The following RARA variants were observed in gnomAD, a reference collection of about 807,000 sequenced individuals.
The protein encoded by RARA is retinoic acid receptor alpha.
In RARA, 5 loss-of-function variants were observed where a neutral mutation model predicts 42.8. The observed-to-expected ratio is 0.12, with a 90% CI of 0.06 to 0.25. The LOEUF (loss-of-function observed/expected upper bound fraction) is 0.25. RARA is among the 10% of genes least tolerant of loss of function. The pLI is 1.00. For missense variants in RARA, 402 were observed against 628.7 expected, an observed-to-expected ratio of 0.64 and a Z score of 3.86; for synonymous variants, 256 against 259.5, an observed-to-expected ratio of 0.99 and a Z score of 0.13.
intron 1 of RARA, among the ~76,000 whole-genome samples, chr17:40,321,148 A>G (rs1393063077): frequency 6.6e-6 from 1 of 151,528 alleles, no homozygotes; most frequent in Non-Finnish European, 1.5e-5. Flanking sequence ...TCCAGGGAGT[A>G]TTCTGGGAAT....
intron 1 of RARA, among the ~76,000 whole-genome samples, chr17:40,322,119 C>T (rs568250365): frequency 2.0e-4 from 30 of 151,914 alleles, no homozygotes; most frequent in Admixed American, 1.0e-3. Context: ...TCTGGCTGGC[C>T]GCCCGGTTTG....
rs1159089374 is a variant in RARA, at chr17:40,355,729, G to A, written c.1172-280G>A. 6.6e-6 allele frequency among the ~76,000 whole-genome samples: 1 copy of A among 152,166 alleles called. No homozygotes were observed. The highest frequency in any genetic ancestry group is 2.4e-5 in the African/African-American group (1 of 41,442). On this transcript the variant is annotated intron_variant, in intron 8 of 8. Transcript: ENST00000254066. The surrounding 1 kb of genome is among the most constrained non-coding windows in gnomAD (Gnocchi z 4.1). Reference sequence around the variant, plus strand: ...TAACATTCGTGTTTACAGAGGGGTCGGGATGATCCCTAGCACACAGCACAG... The same window carrying A: ...TAACATTCGTGTTTACAGAGGGGTCAGGATGATCCCTAGCACACAGCACAG...
intron 1 of RARA, among the ~76,000 whole-genome samples, chr17:40,316,710 G>A (rs796238932): frequency 5.3e-5 from 8 of 152,302 alleles, no homozygotes; most frequent in African/African-American, 1.9e-4. Flanking sequence ...GGGGGAGCGC[G>A]GCTGGGGGGT....
At position 40,355,245 on chromosome 17, in the gene RARA, G is replaced by T; in HGVS notation, c.1013-18G>T. On this transcript the variant is annotated intron_variant, in intron 7 of 8. Coordinates refer to ENST00000254066, the MANE Select transcript of RARA (RefSeq NM_000964.4). The surrounding 1 kb of genome is among the most constrained non-coding windows in gnomAD (Gnocchi z 4.1). ...AGCTGTGTTCCCAGCTGCTCAGGGG[G>T]TGGTTCTGCTTCCTCAGACCGCCAG... is the stretch of plus-strand genomic sequence containing the variant. 6.4e-7 allele frequency: 1 copy of T among 1,554,030 alleles called. No individual in the cohort carries two copies. Among genetic ancestry groups the T allele is most frequent in the South Asian group, 1.2e-5 (1 of 85,044 alleles).
At position 40,351,595 on chromosome 17, in the gene RARA, C is replaced by T. The variant is rs777003380; in HGVS notation, c.470-315C>T. On this transcript the variant is annotated intron_variant, in intron 4 of 8. Transcript: ENST00000254066. The surrounding 1 kb of genome is among the most constrained non-coding windows in gnomAD (Gnocchi z 4.1). ...GGAGGCAGAGCACCTAGGAGGGCAC[C>T]GTCGCCTGGAGTGTGAGCTGGAGTA... The T allele has an allele frequency of 3.4e-5, 16 of 476,820 alleles. No homozygotes were observed. The highest frequency in any genetic ancestry group is 8.2e-5 in the Admixed American group (3 of 36,428). 29.5% of individuals were successfully genotyped at this position (476,820 alleles called of 1,614,324 possible). A position where few individuals can be genotyped will look rare whatever the true frequency, so the allele number is the denominator to read the frequency against.
At chr17:40,337,826 C>T (rs1189105517) in intron 2 of RARA, among the ~76,000 whole-genome samples, 5 of 152,098 alleles carry the variant, frequency 3.3e-5, no homozygotes, top group Non-Finnish European at 5.9e-5. Flanking sequence ...GCCACTTCCT[C>T]GCTGTTGCAG....
At chr17:40,317,929 G>A (rs546054394) in intron 1 of RARA, among the ~76,000 whole-genome samples, 1 of 152,120 alleles carries the variant, frequency 6.6e-6, no homozygotes, top group Non-Finnish European at 1.5e-5. Flanking sequence ...GGGGGGAAAG[G>A]AGTGTAGGAT....
chr17:40,313,332 C>T (rs545478190), intron 1 of RARA, among the ~76,000 whole-genome samples: 25 of 152,256 alleles, frequency 1.6e-4, no homozygotes, highest in Admixed American at 1.1e-3. Flanking sequence ...GGCTTCTGAT[C>T]GCTAGTCAGA....
chr17:40,342,831 C>T (rs202229958), intron 2 of RARA: 398 of 1,613,156 alleles, frequency 2.5e-4, no homozygotes, highest in Non-Finnish European at 2.2e-4. Context: ...GTACTCCACC[C>T]CGCTCCGGAC....
At chr17:40,334,571 G>A (rs1261966247) in intron 2 of RARA, among the ~76,000 whole-genome samples, 3 of 152,208 alleles carry the variant, frequency 2.0e-5, no homozygotes, top group African/African-American at 7.2e-5. Context: ...CCTCAGAGAT[G>A]GAGGCAGTTT....
intron 2 of RARA, chr17:40,342,780 G>A: frequency 6.2e-7 from 1 of 1,612,794 alleles, no homozygotes. Context: ...CCAGAACCGG[G>A]CCTGTTTGCT....
intron 1 of RARA, chr17:40,322,986 T>G (rs1567747646): frequency 6.6e-6 from 1 of 151,988 alleles, no homozygotes; most frequent in Non-Finnish European, 1.5e-5. Context: ...GTTCCTGGGA[T>G]GTTTGTTGTT....
chr17:40,353,648 G>A (rs1358729496), intron 6 of RARA, among the ~76,000 whole-genome samples: 3 of 152,260 alleles, frequency 2.0e-5, no homozygotes, highest in Non-Finnish European at 4.4e-5. Flanking sequence ...TAGAGACGGG[G>A]TTTCACCATG....
intron 1 of RARA, among the ~76,000 whole-genome samples, chr17:40,310,388 G>A (rs1598523827): frequency 6.6e-6 from 1 of 151,806 alleles, no homozygotes; most frequent in East Asian, 1.9e-4. Flanking sequence ...TCTGGGGGTA[G>A]TAGACTGGGG....
At chr17:40,342,729 G>C in intron 2 of RARA, 1 of 1,612,360 alleles carries the variant, frequency 6.2e-7, no homozygotes, top group East Asian at 2.2e-5. Flanking sequence ...AGAAGTGGGG[G>C]GTCCCACCCC....
At chr17:40,338,839 G>A (rs1290223195) in intron 2 of RARA, among the ~76,000 whole-genome samples, 3 of 151,552 alleles carry the variant, frequency 2.0e-5, no homozygotes, top group African/African-American at 4.9e-5. Flanking sequence ...GCGAAATAGC[G>A]AAACCCCATC....
At chr17:40,349,745 T>G (rs554907446) in intron 3 of RARA, 39 bp from the exon 4 acceptor site, 1 of 1,611,482 alleles carries the variant, frequency 6.2e-7, no homozygotes. Flanking sequence ...GCTCCCACTG[T>G]GGGTGTGGAC....
In RARA at chr17:40,355,308, A is replaced by G; in HGVS notation, c.1058A>G (p.Glu353Gly). ...EQPDRVDMLQEPLLEALKVYV... is the reference protein window; with the variant it reads ...EQPDRVDMLQGPLLEALKVYV... ...CCGGACCGGGTGGACATGCTGCAGGAGCCGCTGCTGGAGGCGCTAAAGGTC... is the reference window on the plus strand; with the variant it reads ...CCGGACCGGGTGGACATGCTGCAGGGGCCGCTGCTGGAGGCGCTAAAGGTC... The change falls in exon 8 of 9, where the codon GAG (glutamate) becomes GGG (glycine). Residue 353 changes from glutamate to glycine, a missense_variant. This residue lies in a region of RARA where 104 missense variants were observed against 160.1 expected (regional missense o/e 0.65). Transcript: ENST00000254066. The surrounding 1 kb of genome is among the most constrained non-coding windows in gnomAD (Gnocchi z 4.1). 1 of 1,604,648 alleles carries G rather than the reference A, an allele frequency of 6.2e-7. No homozygotes were observed. Among genetic ancestry groups the G allele is most frequent in the Non-Finnish European group, 8.5e-7 (1 of 1,175,436 alleles).
In RARA at chr17:40,326,456, C is replaced by T. The variant is rs1436499164; in HGVS notation, c.-362-4401C>T. 1 of 152,294 alleles carries T rather than the reference C, an allele frequency of 6.6e-6. No individual in the cohort carries two copies. The highest frequency in any genetic ancestry group is 1.5e-5 in the Non-Finnish European group (1 of 68,054). 9.4% of individuals were successfully genotyped at this position (152,294 alleles called of 1,614,324 possible). On this transcript the variant is annotated intron_variant, in intron 1 of 8. Coordinates refer to ENST00000254066, the MANE Select transcript of RARA (RefSeq NM_000964.4). The surrounding 1 kb of genome is among the most constrained non-coding windows in gnomAD (Gnocchi z 5.2). ...TCTCCCATCTTCGTGGCTCAGAAAG[C>T]TCTCACCTTTTTCTCTAGGTGTGTG... is the stretch of plus-strand genomic sequence containing the variant.
Sources: gnomAD v4.1 joint callset for allele counts (sites outside exome capture counted in the v4.1 genomes callset) on GRCh38, gnomAD v4.1.1 for gene constraint, gnomAD v4.1.1 regional missense constraint, Gnocchi (gnomAD v3.1) non-coding constraint, MANE v1.5 for transcripts, NCBI Gene and HGNC (gene_info 2026-07-23, HGNC 2026-07-21) for gene names.